The following NEB variants were observed in gnomAD, a reference collection of about 807,000 sequenced individuals.
NEB encodes nebulin, also known as nemaline myopathy type 2.
NEB carries 512 observed loss-of-function variants against 952.2 expected under a neutral mutation model. That is an observed-to-expected ratio of 0.54 (90% CI 0.50 to 0.58). NEB has a LOEUF of 0.58. Among genes scored for constraint, NEB ranks in the 20% least tolerant of loss-of-function variants. NEB has a pLI of 0.00. For missense variants in NEB, 8,428 were observed against 9,231.1 expected, an observed-to-expected ratio of 0.91 and a Z score of 3.56; for synonymous variants, 2,900 against 3,149.8, an observed-to-expected ratio of 0.92 and a Z score of 2.66.
At chr2:151,659,750 T>C (rs1033712431) in intron 46 of NEB, among the ~76,000 whole-genome samples, 2 of 152,240 alleles carry the variant, frequency 1.3e-5, no homozygotes, top group African/African-American at 4.8e-5. Flanking sequence ...AACAGACATA[T>C]AGTCCTTTTT....
intron 63 of NEB, among the ~76,000 whole-genome samples, chr2:151,637,625 G>T (rs959770822): frequency 1.3e-5 from 2 of 152,148 alleles, no homozygotes; most frequent in African/African-American, 4.8e-5. Flanking sequence ...CCGAGTAGCC[G>T]CACTAACACA....
intron 135 of NEB, among the ~76,000 whole-genome samples, chr2:151,543,461 G>A (rs2094342393): frequency 6.6e-6 from 1 of 152,132 alleles, no homozygotes; most frequent in Admixed American, 6.5e-5. Context: ...TAAATTTTGA[G>A]TAAAGTAAAT....
chr2:151,573,750 A>G (rs575551386), intron 107 of NEB, among the ~76,000 whole-genome samples: 1 of 152,314 alleles, frequency 6.6e-6, no homozygotes, highest in South Asian at 2.1e-4. Context: ...AGGTCATACT[A>G]TTCTACACAC....
At chr2:151,617,500 AGAG>A in intron 74 of NEB, 32 bp from the exon 75 acceptor site, 1 of 1,354,714 alleles carries the variant, frequency 7.4e-7, no homozygotes, top group East Asian at 2.5e-5. Flanking sequence ...AGAGAGAGAG[AGAG>A]AAAAATTATT....
intron 10 of NEB, among the ~76,000 whole-genome samples, chr2:151,714,338 C>T (rs1167652686): frequency 1.3e-5 from 2 of 152,168 alleles, no homozygotes; most frequent in Non-Finnish European, 2.9e-5. Flanking sequence ...ACAGACTTCA[C>T]CCCAGACTAT....
rs981354598 is a variant in NEB at position 151,609,809 on chromosome 2, A to G, written c.12330T>C (p.Asp4110=). 1.0e-5 allele frequency: 16 copies of G among 1,570,920 alleles called. No individual in the cohort carries two copies. In the Middle Eastern group the frequency reaches 6.9e-4, roughly 67 times the overall value. Residue 4110 remains aspartate, a splice_region_variant and synonymous_variant, in exon 81 of 182, where the codon GAT becomes GAC. Transcript: ENST00000397345. ...CTTTCCCAAAATTCATGTTACGTAC[A>G]TCACTCTGCAGGTCATAGGCCTTTT... is the stretch of plus-strand genomic sequence containing the variant. The part of the protein sequence containing the change: ...QAKKAYDLQS[D]SVYKADLEWL...
chr2:151,660,694 C>G (rs2154164510), intron 46 of NEB, among the ~76,000 whole-genome samples: 1 of 152,300 alleles, frequency 6.6e-6, no homozygotes, highest in South Asian at 2.1e-4. Context: ...AGCTACTCAA[C>G]TCTGCTGTTG....
At chr2:151,687,824 AG>A in intron 25 of NEB, 91 bp from the exon 26 acceptor site, 1 of 1,160,038 alleles carries the variant, frequency 8.6e-7, no homozygotes, top group Non-Finnish European at 1.3e-6. Context: ...GTGTATGTAT[AG>A]ACTTATTTCT....
At chr2:151,525,457 C>A (rs1576252685) in intron 150 of NEB, among the ~76,000 whole-genome samples, 184 bp from the exon 151 acceptor site, 1 of 152,324 alleles carries the variant, frequency 6.6e-6, no homozygotes, top group Middle Eastern at 3.4e-3. Flanking sequence ...ACACTAGAAC[C>A]ACCTGGCAAT....
Position 151,537,148 on chromosome 2 carries a change from T to C in NEB, c.21191A>G (p.Lys7064Arg). The change falls in exon 141 of 182, where the codon AAG becomes AGG. Residue 7064 changes from lysine (K) to arginine (R), a missense_variant. Around this residue, in one of 11 missense-constraint regions of NEB, gnomAD observed 3,374 missense variants for 3,651.5 expected, o/e 0.92. Transcript: ENST00000397345. ...TPDFTLAEKNKTLYSKYKYKE... is the reference protein window; with the variant it reads ...TPDFTLAEKNRTLYSKYKYKE... ...TATATATACCTTGCTGTAGAGAGTC[T>C]TGTTCTTTTCAGCCAGAGTGAAATC... 10 of 1,611,206 alleles carry C rather than the reference T, an allele frequency of 6.2e-6. No homozygotes were observed. The highest frequency in any genetic ancestry group is 7.6e-6 in the Non-Finnish European group (9 of 1,177,634).
Position 151,565,822 on chromosome 2 carries a change from TGA to T in NEB, c.18157-4_18157-3del. ...CTCCAGGTCAGCTCTGTAGACATTC[TGA>T]GAGCAGGAAGAGAGATATAATGGAG... On this transcript the variant is annotated splice_polypyrimidine_tract_variant and splice_region_variant and intron_variant, in intron 114 of 181. Coordinates refer to ENST00000397345, the MANE Select transcript of NEB (RefSeq NM_001164508.2). 2 of 1,598,128 alleles carry T rather than the reference TGA, an allele frequency of 1.3e-6. No homozygotes were observed. The highest frequency in any genetic ancestry group is 1.7e-6 in the Non-Finnish European group (2 of 1,168,678).
chr2:151,630,564 T>G, intron 67 of NEB, 151 bp downstream of exon 67: 1 of 598,576 alleles, frequency 1.7e-6, no homozygotes, highest in Non-Finnish European at 2.9e-6. Flanking sequence ...TCCCATAAAA[T>G]GTAATATTTA....
chr2:151,501,449 G>GGAGT lies in NEB; in HGVS notation c.23959_23962dup (p.Pro7988HisfsTer8), dbSNP rs2064469787. ...CTCCATCTCAGGAGTGACAGGTAGG[G>GGAGT]GAGTCCCCTTGCTCAAGTTCTCTTT... On this transcript the variant is annotated frameshift_variant, in exon 168 of 182. Coordinates refer to ENST00000397345, the MANE Select transcript of NEB (RefSeq NM_001164508.2). LOFTEE classifies it high-confidence loss of function. The GGAGT allele has an allele frequency of 6.5e-7, 1 of 1,539,166 alleles. No individual in the cohort carries two copies. Among genetic ancestry groups the GGAGT allele is most frequent in the Non-Finnish European group, 8.8e-7 (1 of 1,140,666 alleles).
intron 150 of NEB, among the ~76,000 whole-genome samples, chr2:151,525,557 A>G (rs2085219429): frequency 6.6e-6 from 1 of 152,224 alleles, no homozygotes; most frequent in African/African-American, 2.4e-5. Flanking sequence ...GGACTCATAT[A>G]ATACCAAGGT....
chr2:151,563,999 G>C, intron 117 of NEB, 69 bp from the exon 118 acceptor site: 1 of 1,172,022 alleles, frequency 8.5e-7, no homozygotes, highest in Non-Finnish European at 1.2e-6. Context: ...TAAAACAATT[G>C]GTCTAATTAA....
intron 138 of NEB, among the ~76,000 whole-genome samples, chr2:151,539,528 A>G (rs2093726305): frequency 6.6e-6 from 1 of 152,160 alleles, no homozygotes; most frequent in South Asian, 2.1e-4. Flanking sequence ...GGGGTCATGA[A>G]GTTGGCTTGA....
At position 151,516,012 on chromosome 2, in the gene NEB, A is replaced by G. The variant is rs917050917; in HGVS notation, c.22905+447T>C. Among the ~76,000 whole-genome samples, 3 of 152,206 alleles carry G rather than the reference A, an allele frequency of 2.0e-5. No individual in the cohort carries two copies. The South Asian group carries it at 6.2e-4, about 32-fold the overall frequency. On this transcript the variant is annotated intron_variant, in intron 157 of 181. Coordinates refer to ENST00000397345, the MANE Select transcript of NEB (RefSeq NM_001164508.2). The stretch of plus-strand genomic sequence containing the variant: ...GTGCTTCTGCTTACAATTCTAAAAT[A>G]ACGAATATGGCATCTTCACTTTTGA...
chr2:151,556,896 T>C (rs1186188677), intron 124 of NEB, among the ~76,000 whole-genome samples: 1 of 152,148 alleles, frequency 6.6e-6, no homozygotes, highest in East Asian at 1.9e-4. Context: ...TAGCACTAGA[T>C]GCCCACAAGA....
At chr2:151,630,291 T>C (rs112218633) in intron 67 of NEB, among the ~76,000 whole-genome samples, 168 of 152,226 alleles carry the variant, frequency 1.1e-3, no homozygotes, top group Non-Finnish European at 1.9e-3. Context: ...CCTAAGGTTT[T>C]CTTTCTATAG....
Sources: gnomAD v4.1 joint callset for allele counts (sites outside exome capture counted in the v4.1 genomes callset) on GRCh38, gnomAD v4.1.1 for gene constraint, gnomAD v4.1.1 regional missense constraint, MANE v1.5 for transcripts, NCBI Gene and HGNC (gene_info 2026-07-23, HGNC 2026-07-21) for gene names.